Variants in CNTNAP5 observed in about 807,000 individuals in gnomAD.
CNTNAP5 encodes contactin-associated protein-like 5.
In CNTNAP5, 72 loss-of-function variants were observed where a neutral mutation model predicts 150.2. That is an observed-to-expected ratio of 0.48 (90% CI 0.40 to 0.58). The LOEUF (loss-of-function observed/expected upper bound fraction) is 0.58. Ranked by LOEUF, CNTNAP5 falls within the 20% of genes least tolerant of loss-of-function variation. CNTNAP5 has a pLI of 0.00. For synonymous variants in CNTNAP5, 672 were observed against 619.8 expected, an observed-to-expected ratio of 1.08 and a Z score of -1.25; for missense variants, 1,636 against 1,626.2, an observed-to-expected ratio of 1.01 and a Z score of -0.10.
chr2:124,865,192 A>C, intron 19 of CNTNAP5, 114 bp from the exon 20 acceptor site: 1 of 819,314 alleles, frequency 1.2e-6, no homozygotes, highest in Non-Finnish European at 1.9e-6. Flanking sequence ...AAAATTGAAT[A>C]ATGGAAGGAT....
At chr2:124,340,333 A>T (rs1309831095) in intron 3 of CNTNAP5, among the ~76,000 whole-genome samples, 1 of 152,220 alleles carries the variant, frequency 6.6e-6, no homozygotes. Flanking sequence ...TGCACTGGAA[A>T]CATACAAAGG....
intron 13 of CNTNAP5, among the ~76,000 whole-genome samples, chr2:124,658,854 G>A (rs6739364): frequency 3.3e-5 from 5 of 151,992 alleles, no homozygotes; most frequent in Non-Finnish European, 2.9e-5. Flanking sequence ...ATAGGTGTTA[G>A]GCTATAATGG....
intron 3 of CNTNAP5, among the ~76,000 whole-genome samples, chr2:124,367,388 T>A (rs1573946433): frequency 6.6e-6 from 1 of 152,156 alleles, no homozygotes; most frequent in East Asian, 1.9e-4. Flanking sequence ...CTTCTTCACA[T>A]GGAAGCAGTA....
intron 13 of CNTNAP5, among the ~76,000 whole-genome samples, chr2:124,669,124 C>G (rs1478294461): frequency 6.6e-6 from 1 of 152,142 alleles, no homozygotes; most frequent in Non-Finnish European, 1.5e-5. Context: ...TTGCATTATT[C>G]ACTCACTTTC....
At chr2:124,799,887 A>G (rs1274616903) in intron 19 of CNTNAP5, among the ~76,000 whole-genome samples, 2 of 152,226 alleles carry the variant, frequency 1.3e-5, no homozygotes, top group Non-Finnish European at 2.9e-5. Flanking sequence ...ACAATGGCTC[A>G]TTCTAAGCCC....
chr2:124,782,746 A>G (rs1681482062), intron 17 of CNTNAP5, among the ~76,000 whole-genome samples: 1 of 152,204 alleles, frequency 6.6e-6, no homozygotes, highest in Non-Finnish European at 1.5e-5. Flanking sequence ...AACAGTTAAG[A>G]AGACTGTTTT....
At chr2:124,131,486 T>C (rs1404211251) in intron 1 of CNTNAP5, among the ~76,000 whole-genome samples, 1 of 152,206 alleles carries the variant, frequency 6.6e-6, no homozygotes, top group Non-Finnish European at 1.5e-5. Context: ...TGGGATTCAA[T>C]CTCAAGTTTA....
intron 20 of CNTNAP5, 56 bp downstream of exon 20, chr2:124,865,492 C>T: frequency 6.7e-7 from 1 of 1,500,964 alleles, no homozygotes; most frequent in Non-Finnish European, 9.1e-7. Context: ...CTCTATCAAA[C>T]TTTTCTAAGC....
intron 19 of CNTNAP5, among the ~76,000 whole-genome samples, chr2:124,821,083 G>A (rs1014546456): frequency 6.6e-5 from 10 of 152,170 alleles, no homozygotes; most frequent in African/African-American, 2.2e-4. Flanking sequence ...AGGTATGGCC[G>A]GTCTCATGGC....
intron 3 of CNTNAP5, among the ~76,000 whole-genome samples, chr2:124,321,511 C>A (rs1689099390): frequency 6.6e-6 from 1 of 151,544 alleles, no homozygotes; most frequent in Non-Finnish European, 1.5e-5. Context: ...CTTGTGTTTT[C>A]ATCATCTAAA....
chr2:124,073,022 T>C (rs540705925), intron 1 of CNTNAP5, among the ~76,000 whole-genome samples: 1 of 151,936 alleles, frequency 6.6e-6, no homozygotes, highest in Non-Finnish European at 1.5e-5. Flanking sequence ...CATAGACCAA[T>C]GGAACAGAAT....
At chr2:124,819,147 T>G (rs1487070112) in intron 19 of CNTNAP5, among the ~76,000 whole-genome samples, 2 of 152,124 alleles carry the variant, frequency 1.3e-5, no homozygotes, top group African/African-American at 4.8e-5. Flanking sequence ...TGTTTCTTCA[T>G]CAGCTTGTTA....
At chr2:124,834,791 G>GTATATATATATATATA (rs35344366) in intron 19 of CNTNAP5, among the ~76,000 whole-genome samples, 2 of 147,488 alleles carry the variant, frequency 1.4e-5, no homozygotes, top group African/African-American at 5.0e-5. Context: ...ATATTTCACA[G>GTATATATATATATATA]TATATATATA....
chr2:124,250,319 A>G (rs1476378679), intron 3 of CNTNAP5, among the ~76,000 whole-genome samples: 1 of 152,104 alleles, frequency 6.6e-6, no homozygotes, highest in Non-Finnish European at 1.5e-5. Flanking sequence ...TGGGGACCTC[A>G]CTTTGAGCAA....
intron 11 of CNTNAP5, among the ~76,000 whole-genome samples, chr2:124,584,993 A>G (rs1696495331): frequency 6.6e-6 from 1 of 152,198 alleles, no homozygotes; most frequent in African/African-American, 2.4e-5. Flanking sequence ...TGCATTATTC[A>G]TAAATAGGAA....
chr2:124,179,163 T>A (rs868274339), intron 1 of CNTNAP5, among the ~76,000 whole-genome samples: 42 of 151,636 alleles, frequency 2.8e-4, no homozygotes, highest in Middle Eastern at 3.4e-3. Context: ...TATTATTATT[T>A]TTTTTAATTT....
intron 9 of CNTNAP5, 139 bp downstream of exon 9, chr2:124,524,591 C>A: frequency 2.7e-6 from 2 of 754,590 alleles, no homozygotes; most frequent in Non-Finnish European, 4.2e-6. Flanking sequence ...TGCACATACA[C>A]ACACACCCTC....
intron 13 of CNTNAP5, among the ~76,000 whole-genome samples, chr2:124,696,509 A>T (rs1224766294): frequency 6.6e-6 from 1 of 152,174 alleles, no homozygotes; most frequent in Non-Finnish European, 1.5e-5. Context: ...TAGTGGCCAT[A>T]GTCAGCCCTG....
chr2:124,025,686 T>C lies in CNTNAP5; in HGVS notation c.36T>C (p.Thr12=). 6.2e-7 allele frequency: 1 copy of C among 1,613,794 alleles called. No homozygotes were observed. The highest frequency in any genetic ancestry group is 1.1e-5 in the South Asian group (1 of 91,066). The change falls in exon 1 of 24, where the codon ACT becomes ACC. Residue 12 remains threonine, a synonymous_variant. Coordinates refer to ENST00000682447, the MANE Select transcript of CNTNAP5 (RefSeq NM_001367498.1). ...DSLPRLTSVL[T]LLFSGLWHLG... is the part of the protein sequence containing the mutation. ...TACCACGGCTGACCAGCGTTTTGAC[T>C]TTGCTGTTCTCTGGCTTGTGGCATT...
Sources: allele counts gnomAD v4.1 joint callset (sites outside exome capture counted in the v4.1 genomes callset), GRCh38; gene constraint gnomAD v4.1.1; transcripts MANE v1.5; gene names NCBI Gene and HGNC (gene_info 2026-07-23, HGNC 2026-07-21).